The following MCF2L variants were observed in gnomAD, a reference collection of about 807,000 sequenced individuals.
MCF2L encodes guanine nucleotide exchange factor DBS.
In MCF2L, 97 loss-of-function variants were observed where a neutral mutation model predicts 153.4. The ratio of observed to expected loss-of-function variants is 0.63; its 90% CI spans 0.54 to 0.75. The LOEUF (loss-of-function observed/expected upper bound fraction) is 0.75, where lower values mean the gene tolerates loss of function less well. MCF2L is among the 30% of genes least tolerant of loss of function. The probability of loss-of-function intolerance (pLI) is 0.00; values close to 1 mark genes in which losing one functional copy is unlikely to be tolerated. For missense variants in MCF2L, 1,347 were observed against 1,495.2 expected (o/e 0.90, Z 1.64); for synonymous variants, 659 against 632.2 (o/e 1.04, Z -0.64).
intron 2 of MCF2L, among the ~76,000 whole-genome samples, chr13:112,918,111 C>G (rs1416974990): frequency 6.6e-6 from 1 of 152,226 alleles, no homozygotes; most frequent in Admixed American, 6.5e-5. Context: ...GGACCTGTCT[C>G]TGAGTCATTG....
At chr13:112,894,640 C>A (rs1163286310) in intron 1 of MCF2L, among the ~76,000 whole-genome samples, 1 of 152,150 alleles carries the variant, frequency 6.6e-6, no homozygotes, top group Non-Finnish European at 1.5e-5. Context: ...GCGTCCTGCG[C>A]TGGGAACTTC....
intron 4 of MCF2L, among the ~76,000 whole-genome samples, chr13:113,055,374 C>A (rs1176434735): frequency 1.6e-5 from 1 of 63,404 alleles, no homozygotes; most frequent in Non-Finnish European, 3.3e-5. Flanking sequence ...CGTGGACCCC[C>A]CCCCCCGCCA....
chr13:112,994,281 C>T (rs1322754344), intron 1 of MCF2L, among the ~76,000 whole-genome samples: 7 of 146,004 alleles, frequency 4.8e-5, no homozygotes, highest in Non-Finnish European at 7.5e-5. Flanking sequence ...TGGCTGTCGG[C>T]GTGACGGGGC....
intron 2 of MCF2L, among the ~76,000 whole-genome samples, chr13:112,911,574 G>A (rs2081233361): frequency 6.6e-6 from 1 of 152,172 alleles, no homozygotes; most frequent in Admixed American, 6.5e-5. Flanking sequence ...CCTGGGCCCC[G>A]GGCCTCACCC....
Position 112,904,719 on chromosome 13 carries a change from G to A in MCF2L, c.169+2348G>A, listed in dbSNP as rs995088024. Among the ~76,000 whole-genome samples, 3 of 152,222 alleles carry A rather than the reference G, an allele frequency of 2.0e-5. No individual in the cohort carries two copies. The highest frequency in any genetic ancestry group is 4.4e-5 in the Non-Finnish European group (3 of 68,040). On this transcript the variant is annotated intron_variant, in intron 2 of 29. Transcript: ENST00000375608. The surrounding 1 kb of genome is among the most constrained non-coding windows in gnomAD (Gnocchi z 4.2). Reference sequence around the variant, plus strand: ...GCTGTCCTTGCCTCGTCTGCTCTGTGGAAAGAGAAGCGCACGGCGTGGACT... The same window carrying A: ...GCTGTCCTTGCCTCGTCTGCTCTGTAGAAAGAGAAGCGCACGGCGTGGACT...
At position 113,096,821 on chromosome 13, in the gene MCF2L, G is replaced by GA. The variant is rs1566895216; in HGVS notation, c.3341dup (p.Gly1116ArgfsTer137). ...GCTGAGCAACTCGTCCAGCTGCAGC[G>GA]AGGGCGGCCAGGCCCCCTTCTCCGA... On this transcript the variant is annotated frameshift_variant, in exon 30 of 30. Transcript: ENST00000535094. LOFTEE classifies it high-confidence loss of function. 1 of 1,535,270 alleles carries GA rather than the reference G, an allele frequency of 6.5e-7. No homozygotes were observed. Among genetic ancestry groups the GA allele is most frequent in the Non-Finnish European group, 8.7e-7 (1 of 1,151,466 alleles).
chr13:112,995,141 G>A (rs968010636), intron 1 of MCF2L, among the ~76,000 whole-genome samples: 10 of 152,206 alleles, frequency 6.6e-5, no homozygotes, highest in African/African-American at 1.7e-4. Context: ...GTGGCACTCC[G>A]CTGTGTCGAG....
At chr13:113,091,651 G>GACA (rs1276596345) in intron 26 of MCF2L, among the ~76,000 whole-genome samples, 9 of 151,800 alleles carry the variant, frequency 5.9e-5, no homozygotes, top group South Asian at 2.1e-4. Context: ...CGGGGCCAAT[G>GACA]AGGCCGAGCT....
At chr13:112,973,837 C>T (rs1308309408) in intron 1 of MCF2L, among the ~76,000 whole-genome samples, 1 of 152,174 alleles carries the variant, frequency 6.6e-6, no homozygotes, top group Non-Finnish European at 1.5e-5. Flanking sequence ...TGCCAGGCAG[C>T]ACCTGAGAAG....
chr13:113,001,646 C>T, intron 1 of MCF2L: 1 of 1,298,822 alleles, frequency 7.7e-7, no homozygotes, highest in Non-Finnish European at 9.8e-7. Flanking sequence ...CGGGGCTCAG[C>T]TGTCGCCAGG....
At chr13:113,022,797 G>GTCGTAC (rs2084976163) in intron 2 of MCF2L, among the ~76,000 whole-genome samples, 2 of 152,368 alleles carry the variant, frequency 1.3e-5, no homozygotes, top group African/African-American at 4.8e-5. Context: ...GGGGAGGCTT[G>GTCGTAC]TCGTACTCGC....
At chr13:113,044,685 G>C (rs370428573) in intron 3 of MCF2L, 6 of 1,612,620 alleles carry the variant, frequency 3.7e-6, no homozygotes, top group Non-Finnish European at 4.2e-6. Context: ...GAGGACGGAG[G>C]CTGTCGTTAT....
At chr13:112,935,712 G>A (rs547728280) in intron 2 of MCF2L, among the ~76,000 whole-genome samples, 5 of 152,268 alleles carry the variant, frequency 3.3e-5, no homozygotes, top group Admixed American at 6.5e-5. Flanking sequence ...TACTTTCAGC[G>A]TACACTGGGT....
chr13:112,917,846 C>T (rs1020547243), intron 2 of MCF2L, among the ~76,000 whole-genome samples: 7 of 152,196 alleles, frequency 4.6e-5, no homozygotes, highest in Admixed American at 3.9e-4. Context: ...AGAAAGCTGG[C>T]TTCTAGACCC....
chr13:113,044,970 T>C, intron 3 of MCF2L: 1 of 1,535,726 alleles, frequency 6.5e-7, no homozygotes, highest in Non-Finnish European at 8.9e-7. Context: ...TACTGTGGAA[T>C]AGCAAATGAC....
chr13:113,084,100 A>G (rs774018513), intron 18 of MCF2L, 33 bp downstream of exon 18: 4 of 1,548,940 alleles, frequency 2.6e-6, no homozygotes, highest in African/African-American at 2.7e-5. Flanking sequence ...TTTTGTCACA[A>G]CTTCTTAAAA....
chr13:112,921,583 C>T (rs995846990), intron 2 of MCF2L, among the ~76,000 whole-genome samples: 6 of 152,298 alleles, frequency 3.9e-5, no homozygotes, highest in Non-Finnish European at 4.4e-5. Context: ...GGTCAACCTG[C>T]GAACACTGCT....
intron 2 of MCF2L, among the ~76,000 whole-genome samples, chr13:112,946,702 AG>A (rs2081640507): frequency 6.6e-6 from 1 of 152,242 alleles, no homozygotes; most frequent in African/African-American, 2.4e-5. Context: ...ACCTGAATAA[AG>A]GGTGTATTTA....
rs1295038433 is a variant in MCF2L, at chr13:113,075,109, T to G, written c.1228T>G (p.Cys410Gly). 2 of 1,613,652 alleles carry G rather than the reference T, an allele frequency of 1.2e-6. No homozygotes were observed. The highest frequency in any genetic ancestry group is 1.7e-6 in the Non-Finnish European group (2 of 1,180,006). Residue 410 changes from cysteine to glycine, a missense_variant, in exon 11 of 30, where the codon TGT becomes GGT. Transcript: ENST00000535094. ...AAAGTGCCAGGAGCTCCGGCACCTC[T>G]GTGACCAGTTCTCTGCGGAGATCGC... ...RPKCQELRHL[C>G]DQFSAEIARR... is the part of the protein sequence containing the mutation.
Sources: gnomAD v4.1 joint callset for allele counts (sites outside exome capture counted in the v4.1 genomes callset) on GRCh38, gnomAD v4.1.1 for gene constraint, Gnocchi (gnomAD v3.1) non-coding constraint, MANE v1.5 for transcripts, NCBI Gene and HGNC (gene_info 2026-07-23, HGNC 2026-07-21) for gene names.